Variants in VWA2 observed in about 807,000 individuals in gnomAD.
VWA2 encodes von Willebrand factor A domain containing 2.
Under a neutral mutation model 70.4 loss-of-function variants are expected in VWA2, and 73 were observed. That is an observed-to-expected ratio of 1.04 (90% CI 0.86 to 1.26). The LOEUF (loss-of-function observed/expected upper bound fraction) is 1.26. Ranked by LOEUF, VWA2 falls within the 50% of genes most tolerant of loss-of-function variation. VWA2 has a pLI of 0.00. For missense variants in VWA2, 1,011 were observed against 998.5 expected, an observed-to-expected ratio of 1.01 and a Z score of -0.17; for synonymous variants, 407 against 423.3, an observed-to-expected ratio of 0.96 and a Z score of 0.47.
At chr10:114,269,022 A>G (rs927840977) in intron 5 of VWA2, among the ~76,000 whole-genome samples, 3 of 143,146 alleles carry the variant, frequency 2.1e-5, no homozygotes, top group Non-Finnish European at 4.6e-5. Context: ...AAGCGGAGGG[A>G]TTTCTTCTCA....
At chr10:114,264,835 T>TCAG (rs1244146011) in intron 5 of VWA2, among the ~76,000 whole-genome samples, 1 of 152,234 alleles carries the variant, frequency 6.6e-6, no homozygotes, top group Non-Finnish European at 1.5e-5. Context: ...TTCTCCTGCC[T>TCAG]CAGCCTCCCG....
intron 2 of VWA2, 37 bp from the exon 3 acceptor site, chr10:114,253,614 G>A: frequency 1.3e-6 from 2 of 1,593,488 alleles, no homozygotes; most frequent in East Asian, 2.3e-5. Flanking sequence ...TCCCCTCTCA[G>A]CATTTTAATG....
intron 4 of VWA2, among the ~76,000 whole-genome samples, chr10:114,257,693 T>C (rs1047618374): frequency 6.6e-6 from 1 of 152,128 alleles, no homozygotes; most frequent in Non-Finnish European, 1.5e-5. Flanking sequence ...TATGTGCGTG[T>C]GAGGAGGGAG....
intron 4 of VWA2, among the ~76,000 whole-genome samples, chr10:114,255,894 A>C (rs2037316330): frequency 6.6e-6 from 1 of 152,202 alleles, no homozygotes; most frequent in Non-Finnish European, 1.5e-5. Flanking sequence ...CAGAGTCAGC[A>C]AACCCTATGC....
chr10:114,270,880 C>T (rs1035787492), intron 5 of VWA2, among the ~76,000 whole-genome samples: 2 of 152,170 alleles, frequency 1.3e-5, no homozygotes, highest in African/African-American at 4.8e-5. Flanking sequence ...TGCTCGCTAG[C>T]TCCAGAACAC....
At chr10:114,290,513 G>A in intron 13 of VWA2, 148 bp downstream of exon 13, 1 of 1,106,256 alleles carries the variant, frequency 9.0e-7, no homozygotes, top group South Asian at 1.5e-5. Flanking sequence ...CATTTAGTGA[G>A]TACCTCCTGC....
intron 3 of VWA2, 25 bp downstream of exon 3, chr10:114,253,750 T>G: frequency 6.2e-7 from 1 of 1,604,820 alleles, no homozygotes; most frequent in Non-Finnish European, 8.5e-7. Flanking sequence ...TTCTTAACCC[T>G]CCAGATGCCC....
rs1489850368 is a variant in VWA2 at position 114,278,004 on chromosome 10, C to G, written c.657C>G (p.Phe219Leu). ...EQVEDATNGLFSTLSSSAICS... is the reference protein window; with the variant it reads ...EQVEDATNGLLSTLSSSAICS... ...TGGAGGATGCCACCAACGGCCTCTT[C>G]AGCACCCTCAGCAGCTCGGCCATCT... Residue 219 changes from phenylalanine (F) to leucine (L), a missense_variant, in exon 7 of 14, where the codon TTC becomes TTG. Transcript: ENST00000392982. 6.2e-7 allele frequency: 1 copy of G among 1,612,868 alleles called. No individual in the cohort carries two copies. The highest frequency in any genetic ancestry group is 1.1e-5 in the South Asian group (1 of 91,050).
intron 9 of VWA2, among the ~76,000 whole-genome samples, chr10:114,283,366 CACACAGGCAGGGTAGCGAGCAGTTA>C: frequency 6.6e-6 from 1 of 151,728 alleles, no homozygotes; most frequent in African/African-American, 2.4e-5. Context: ...AGCAGTTAGA[CACACAGGCAGGGTAGCGAGCAGTTA>C]GACACACAGG....
chr10:114,240,105 G>A (rs1156954507), intron 1 of VWA2, among the ~76,000 whole-genome samples: 2 of 152,192 alleles, frequency 1.3e-5, no homozygotes, highest in African/African-American at 4.8e-5. Context: ...TGCCCCCAGC[G>A]AAGTGTCTGC....
rs1370393857 is a variant in VWA2, at chr10:114,293,998, T to TATTA, written c.*2762_*2765dup. 9.9e-5 allele frequency among the ~76,000 whole-genome samples: 15 copies of TATTA among 152,222 alleles called. No homozygotes were observed. Among genetic ancestry groups the TATTA allele is most frequent in the African/African-American group, 2.9e-4 (12 of 41,478 alleles). On this transcript the variant is annotated 3_prime_UTR_variant, in exon 14 of 14. Coordinates refer to ENST00000392982, the MANE Select transcript of VWA2 (RefSeq NM_001272046.2). ...AATTCCTAGATGAACTAAGAGTGTT[T>TATTA]ATTACATGTTGAGATTTATGGTATG...
rs144974085 is a variant in VWA2, at chr10:114,282,017, C to CTTTTTTTTTTTTTTTTTTTTTT, written c.834-489_834-488insTTTTTTTTTTTTTTTTTTTTTT. Among the ~76,000 whole-genome samples the CTTTTTTTTTTTTTTTTTTTTTT allele has an allele frequency of 2.5e-5, 3 of 119,660 alleles. 1 individual carries two copies. Among genetic ancestry groups the CTTTTTTTTTTTTTTTTTTTTTT allele is most frequent in the African/African-American group, 9.6e-5 (3 of 31,334 alleles). The allele number at this position is 119,660 out of a possible 152,430, so 78.5% of individuals were successfully genotyped here. On this transcript the variant is annotated intron_variant, in intron 8 of 13. Coordinates refer to ENST00000392982, the MANE Select transcript of VWA2 (RefSeq NM_001272046.2). ...AAATGTGATAGCCAGCTTATGTTAC[C>CTTTTTTTTTTTTTTTTTTTTTT]TTTTTTTTTTGAGATGGAGTCTTAC...
chr10:114,277,475 C>G (rs768800791), intron 6 of VWA2, among the ~76,000 whole-genome samples: 1 of 152,104 alleles, frequency 6.6e-6, no homozygotes, highest in Non-Finnish European at 1.5e-5. Flanking sequence ...AGCCACCACA[C>G]CCCCCCTCCG....
intron 11 of VWA2, 91 bp downstream of exon 11, chr10:114,286,602 G>A: frequency 8.7e-7 from 1 of 1,146,748 alleles, no homozygotes; most frequent in Non-Finnish European, 1.2e-6. Flanking sequence ...TTCTGCCAGT[G>A]CCTCTTCTAG....
At chr10:114,281,514 T>C (rs2038115444) in intron 8 of VWA2, among the ~76,000 whole-genome samples, 1 of 152,238 alleles carries the variant, frequency 6.6e-6, no homozygotes, top group Non-Finnish European at 1.5e-5. Flanking sequence ...TTCAGGTAGC[T>C]GTGGTTCATG....
intron 8 of VWA2, among the ~76,000 whole-genome samples, chr10:114,280,411 G>A (rs7089842): frequency 0.2 from 30,143 of 151,924 alleles, 5,200 homozygotes; most frequent in African/African-American, 0.46. Context: ...GAGGAACACA[G>A]CAGCAAGATG....
intron 5 of VWA2, among the ~76,000 whole-genome samples, chr10:114,263,461 C>T (rs1446957901): frequency 2.6e-5 from 4 of 151,806 alleles, no homozygotes; most frequent in Admixed American, 6.6e-5. Context: ...CTCAGCCTCC[C>T]GAGTAGCTGG....
chr10:114,254,854 C>A, intron 3 of VWA2, 61 bp from the exon 4 acceptor site: 1 of 1,587,682 alleles, frequency 6.3e-7, no homozygotes, highest in Middle Eastern at 1.7e-4. Context: ...TGCCTTCACT[C>A]TGCTTCAGAA....
rs746074456 is a variant in VWA2, at chr10:114,286,490, C to T, written c.1549C>T (p.Leu517=). The change falls in exon 11 of 14, where the codon CTG becomes TTG. Residue 517 remains leucine (L), a synonymous_variant. Coordinates refer to ENST00000392982, the MANE Select transcript of VWA2 (RefSeq NM_001272046.2). ...FNQIPELQGK[L]CSRQRPGCRT... ...CCAAATCCCTGAGCTGCAGGGGAAG[C>T]TGTGCAGCCGGCAGCGGCCAGGTAA... The T allele has an allele frequency of 1.7e-5, 27 of 1,583,188 alleles. No homozygotes were observed. In the South Asian group the frequency reaches 2.7e-4, roughly 16 times the overall value.
Sources: allele counts gnomAD v4.1 joint callset (sites outside exome capture counted in the v4.1 genomes callset), GRCh38; gene constraint gnomAD v4.1.1; transcripts MANE v1.5; gene names NCBI Gene and HGNC (gene_info 2026-07-23, HGNC 2026-07-21).